IKBKB: variants seen among roughly 807,000 people sequenced by gnomAD.
The protein encoded by IKBKB is inhibitor of nuclear factor kappa B kinase subunit beta.
Under a neutral mutation model 113.6 loss-of-function variants are expected in IKBKB, and 42 were observed. The ratio of observed to expected loss-of-function variants is 0.37; its 90% CI spans 0.29 to 0.48. IKBKB has a LOEUF of 0.48. IKBKB is among the 20% of genes least tolerant of loss of function. IKBKB has a pLI of 0.99. For missense variants in IKBKB, 673 were observed against 939.7 expected, an observed-to-expected ratio of 0.72 and a Z score of 3.71; for synonymous variants, 296 against 361.3, an observed-to-expected ratio of 0.82 and a Z score of 2.05.
intron 2 of IKBKB, chr8:42,272,471 G>A (rs1197466406): frequency 3.4e-6 from 2 of 582,590 alleles, no homozygotes; most frequent in Non-Finnish European, 6.1e-6. Context: ...GGTAACAGTA[G>A]AATATCATGT....
At chr8:42,273,851 C>A (rs1808345266) in intron 2 of IKBKB, among the ~76,000 whole-genome samples, 1 of 151,956 alleles carries the variant, frequency 6.6e-6, no homozygotes, top group African/African-American at 2.4e-5. Flanking sequence ...TTGAACCTGG[C>A]CTGTTTTTAT....
chr8:42,303,629 C>G (rs1211852003), intron 5 of IKBKB, among the ~76,000 whole-genome samples: 1 of 151,962 alleles, frequency 6.6e-6, no homozygotes, highest in Non-Finnish European at 1.5e-5. Flanking sequence ...CTCAGCCTCC[C>G]GAGTAGCTGG....
chr8:42,309,347 G>T, intron 8 of IKBKB: 1 of 396,036 alleles, frequency 2.5e-6, no homozygotes, highest in East Asian at 5.7e-5. Context: ...TGAGAATGCT[G>T]TGTGTTAGTA....
rs1230064932 is a variant in IKBKB at position 42,294,155 on chromosome 8, G to GT, written c.388+651dup. On this transcript the variant is annotated intron_variant, in intron 5 of 21. Coordinates refer to ENST00000520810, the MANE Select transcript of IKBKB (RefSeq NM_001556.3). ...GAGAGGGACTTGCTCAGAGCTTTTT[G>GT]TTTTTTTTAAAAAATAATCTCCAGG... 5.3e-5 allele frequency among the ~76,000 whole-genome samples: 8 copies of GT among 152,108 alleles called. No homozygotes were observed. In the East Asian group the frequency reaches 7.7e-4, roughly 15 times the overall value.
In IKBKB at chr8:42,317,700, T is replaced by C; in HGVS notation, c.1169T>C (p.Phe390Ser). The C allele has an allele frequency of 6.2e-7, 1 of 1,614,142 alleles. No individual in the cohort carries two copies. The highest frequency in any genetic ancestry group is 8.5e-7 in the Non-Finnish European group (1 of 1,179,966). ...HTLDMDLVFL[F>S]DNSKITYETQ... ...TTGGACATGGATCTTGTTTTTCTCT[T>C]TGACAACAGTAAAATCACCTATGAG... is the stretch of plus-strand genomic sequence containing the variant. Residue 390 changes from phenylalanine (F) to serine (S), a missense_variant, in exon 12 of 22, where the codon TTT (phenylalanine) becomes TCT (serine). Around this residue, in one of 2 missense-constraint regions of IKBKB, gnomAD observed 506 missense variants for 638.7 expected, o/e 0.79. Coordinates refer to ENST00000520810, the MANE Select transcript of IKBKB (RefSeq NM_001556.3).
chr8:42,320,715 T>A lies in IKBKB; in HGVS notation c.1579-20T>A. 4 of 1,597,758 alleles carry A rather than the reference T, an allele frequency of 2.5e-6. No homozygotes were observed. The highest frequency in any genetic ancestry group is 3.4e-6 in the Non-Finnish European group (4 of 1,165,322). On this transcript the variant is annotated intron_variant, in intron 15 of 21. Transcript: ENST00000520810. ...ATGCGCCTACCACATCAGTTGACAT[T>A]AGCACAGCTTTTCCATTAGGAGAAC...
chr8:42,328,424 C>T (rs1028124820), intron 20 of IKBKB, among the ~76,000 whole-genome samples: 1 of 152,126 alleles, frequency 6.6e-6, no homozygotes, highest in Non-Finnish European at 1.5e-5. Context: ...TGAGCTCCTG[C>T]CATCAGATTG....
chr8:42,316,419 G>T lies in IKBKB; in HGVS notation c.930+80G>T. 3.9e-6 allele frequency: 6 copies of T among 1,545,950 alleles called. No homozygotes were observed. Among genetic ancestry groups the T allele is most frequent in the Non-Finnish European group, 5.3e-6 (6 of 1,133,570 alleles). On this transcript the variant is annotated intron_variant, in intron 10 of 21. Coordinates refer to ENST00000520810, the MANE Select transcript of IKBKB (RefSeq NM_001556.3). This position sits in a 1 kb window ranked among gnomAD's most constrained non-coding sequence, Gnocchi z 4.5. ...ATGCAGTTCTTAGGACAGAGCAGGG[G>T]ATGGGGCCAGCTGACCTAGTGAGGA...
At chr8:42,298,169 A>G (rs544774291) in intron 5 of IKBKB, 2 of 985,422 alleles carry the variant, frequency 2.0e-6, no homozygotes, top group East Asian at 2.3e-4. Context: ...GAGGCTCAAA[A>G]TTCTGGGCAC....
chr8:42,317,117 C>T, intron 11 of IKBKB: 1 of 627,182 alleles, frequency 1.6e-6, no homozygotes, highest in South Asian at 1.8e-5. Flanking sequence ...CTTCCAAACC[C>T]TCCAAGACCG....
At chr8:42,309,315 G>T (rs931942130) in intron 8 of IKBKB, 1 of 462,598 alleles carries the variant, frequency 2.2e-6, no homozygotes. Context: ...TAAGACTATT[G>T]TATGAATATA....
At chr8:42,282,614 C>T (rs1159569170) in intron 2 of IKBKB, among the ~76,000 whole-genome samples, 1 of 152,126 alleles carries the variant, frequency 6.6e-6, no homozygotes, top group East Asian at 1.9e-4. Flanking sequence ...AGCTAAGACT[C>T]AGTAGATTCC....
chr8:42,271,498 G>A, intron 1 of IKBKB, 29 bp downstream of exon 1: 1 of 848,252 alleles, frequency 1.2e-6, no homozygotes, highest in South Asian at 1.7e-5. Context: ...TGCGGCCCGG[G>A]TGCCACCTGC....
intron 19 of IKBKB, 25 bp downstream of exon 19, chr8:42,322,519 C>A: frequency 6.2e-7 from 1 of 1,612,276 alleles, no homozygotes; most frequent in South Asian, 1.1e-5. Flanking sequence ...TGGTCCCGGG[C>A]CCTTGGCCTA....
chr8:42,274,801 C>T (rs904626944), intron 2 of IKBKB, among the ~76,000 whole-genome samples: 2 of 93,060 alleles, frequency 2.1e-5, no homozygotes, highest in African/African-American at 6.1e-5. Context: ...CCCCCCCCCC[C>T]GCCATCCCAG....
At position 42,272,169 on chromosome 8, in the gene IKBKB, A is replaced by AG. The variant is rs762196216; in HGVS notation, c.74dup (p.Phe26IlefsTer14). On this transcript the variant is annotated frameshift_variant, in exon 2 of 22. Coordinates refer to ENST00000520810, the MANE Select transcript of IKBKB (RefSeq NM_001556.3). LOFTEE classifies it high-confidence loss of function. The stretch of plus-strand genomic sequence containing the variant: ...GGGAAATGAAAGAGCGCCTTGGGAC[A>AG]GGGGGATTTGGAAATGTCATCCGAT... 1 of 1,614,150 alleles carries AG rather than the reference A, an allele frequency of 6.2e-7. No homozygotes were observed. The highest frequency in any genetic ancestry group is 8.5e-7 in the Non-Finnish European group (1 of 1,180,036).
chr8:42,284,598 T>A (rs1489014101), intron 2 of IKBKB, among the ~76,000 whole-genome samples: 2 of 147,662 alleles, frequency 1.4e-5, no homozygotes, highest in Non-Finnish European at 3.0e-5. Flanking sequence ...AAAAAAAAAA[T>A]ACCGAGGTGA....
intron 2 of IKBKB, among the ~76,000 whole-genome samples, chr8:42,272,810 G>A (rs1426580517): frequency 6.6e-6 from 1 of 151,914 alleles, no homozygotes; most frequent in Non-Finnish European, 1.5e-5. Context: ...TTGGTGGCAC[G>A]TGCCTGTAGT....
In IKBKB at chr8:42,318,643, C is replaced by T; in HGVS notation, c.1332C>T (p.Cys444=). Residue 444 remains cysteine, a synonymous_variant, in exon 13 of 22, where the codon TGC becomes TGT. Transcript: ENST00000520810. Reference sequence around the variant, plus strand: ...GCATCCAGACCCTGAAGGAAGATTGCAACCGGCTGCAGCAGGGACAGCGAG... The same window carrying T: ...GCATCCAGACCCTGAAGGAAGATTGTAACCGGCTGCAGCAGGGACAGCGAG... ...WHSIQTLKED[C]NRLQQGQRAA... The T allele has an allele frequency of 6.2e-7, 1 of 1,613,594 alleles. No homozygotes were observed. Among genetic ancestry groups the T allele is most frequent in the Middle Eastern group, 1.7e-4 (1 of 6,044 alleles).
Sources: gnomAD v4.1 joint callset for allele counts (sites outside exome capture counted in the v4.1 genomes callset) on GRCh38, gnomAD v4.1.1 for gene constraint, gnomAD v4.1.1 regional missense constraint, Gnocchi (gnomAD v3.1) non-coding constraint, MANE v1.5 for transcripts, NCBI Gene and HGNC (gene_info 2026-07-23, HGNC 2026-07-21) for gene names.